The following SNX10 variants were observed in gnomAD, a reference collection of about 807,000 sequenced individuals.
SNX10 encodes the protein sorting nexin 10, also known as sorting nexin-10.
In SNX10, 25 loss-of-function variants were observed where a neutral mutation model predicts 28.5. That is an observed-to-expected ratio of 0.88 (90% CI 0.64 to 1.22). SNX10 has a LOEUF of 1.22. Ranked by LOEUF, SNX10 falls within the 50% of genes most tolerant of loss-of-function variation. SNX10 has a pLI of 0.00. For missense variants in SNX10, 223 were observed against 242.6 expected, an observed-to-expected ratio of 0.92 and a Z score of 0.54; for synonymous variants, 62 against 81.4, an observed-to-expected ratio of 0.76 and a Z score of 1.28.
intron 5 of SNX10, among the ~76,000 whole-genome samples, 200 bp from the exon 6 acceptor site, chr7:26,371,621 T>C (rs1789540212): frequency 6.6e-6 from 1 of 152,170 alleles, no homozygotes; most frequent in African/African-American, 2.4e-5. Flanking sequence ...TTCATGTTTT[T>C]ACCCACCTAA....
At chr7:26,330,585 G>GGA (rs1209249230) in intron 1 of SNX10, among the ~76,000 whole-genome samples, 10 of 152,144 alleles carry the variant, frequency 6.6e-5, no homozygotes, top group Non-Finnish European at 1.2e-4. Flanking sequence ...GGTTAGAAGA[G>GGA]GAGAGGGCAG....
At chr7:26,359,556 A>G (rs966802875) in intron 2 of SNX10, among the ~76,000 whole-genome samples, 5 of 152,346 alleles carry the variant, frequency 3.3e-5, no homozygotes, top group African/African-American at 9.6e-5. Flanking sequence ...CACTGAGTAA[A>G]TAAGTTATAC....
chr7:26,369,200 G>T (rs1789409433), intron 5 of SNX10, among the ~76,000 whole-genome samples: 1 of 152,000 alleles, frequency 6.6e-6, no homozygotes, highest in Non-Finnish European at 1.5e-5. Flanking sequence ...TTTAAATGGA[G>T]GTTTCTACAA....
chr7:26,363,389 C>T (rs1044203292), intron 3 of SNX10, among the ~76,000 whole-genome samples: 3 of 152,092 alleles, frequency 2.0e-5, no homozygotes, highest in Non-Finnish European at 4.4e-5. Context: ...CCAAGGAAAA[C>T]AATCGCTGGG....
rs190675801 is a variant in SNX10, at chr7:26,342,650, C to T, written c.-23-3770C>T. Among the ~76,000 whole-genome samples the T allele has an allele frequency of 2.0e-3, 308 of 152,100 alleles. 1 individual carries two copies. The highest frequency in any genetic ancestry group is 6.9e-3 in the African/African-American group (288 of 41,486). ...ATTAATGTTACTAGGAAAATTCAGA[C>T]AATATGGAAGTGTATAGAGCTTAGA... On this transcript the variant is annotated intron_variant, in intron 1 of 6. Coordinates refer to ENST00000338523, the MANE Select transcript of SNX10 (RefSeq NM_013322.3).
intron 1 of SNX10, among the ~76,000 whole-genome samples, chr7:26,330,006 C>T (rs888811002): frequency 3.9e-5 from 6 of 151,934 alleles, no homozygotes; most frequent in Admixed American, 6.6e-5. Context: ...GTGGAACAGC[C>T]GATTGGGTGA....
At chr7:26,317,968 T>A (rs1289812179) in intron 1 of SNX10, among the ~76,000 whole-genome samples, 1 of 152,084 alleles carries the variant, frequency 6.6e-6, no homozygotes, top group African/African-American at 2.4e-5. Context: ...GCTTTCATGG[T>A]GATCTTCTAA....
intron 1 of SNX10, among the ~76,000 whole-genome samples, chr7:26,320,421 T>A (rs1244578269): frequency 6.6e-6 from 1 of 151,848 alleles, no homozygotes; most frequent in South Asian, 2.1e-4. Flanking sequence ...CTTCTTTTTT[T>A]AATTTATTTT....
intron 2 of SNX10, among the ~76,000 whole-genome samples, chr7:26,355,908 T>C (rs1356631011): frequency 1.3e-5 from 2 of 152,206 alleles, no homozygotes; most frequent in African/African-American, 4.8e-5. Flanking sequence ...TTAAAAAATC[T>C]GTAAAGTAGG....
At chr7:26,297,841 A>G (rs1315421953) in intron 1 of SNX10, among the ~76,000 whole-genome samples, 4 of 152,254 alleles carry the variant, frequency 2.6e-5, no homozygotes, top group Non-Finnish European at 5.9e-5. Flanking sequence ...GTGCCTTAGT[A>G]TATGCTTATG....
intron 3 of SNX10, among the ~76,000 whole-genome samples, chr7:26,363,628 T>C (rs1054637728): frequency 1.3e-5 from 2 of 152,320 alleles, no homozygotes; most frequent in South Asian, 2.1e-4. Flanking sequence ...TCTCGTCTTA[T>C]GTTTACGCAA....
intron 1 of SNX10, among the ~76,000 whole-genome samples, chr7:26,342,609 C>G (rs980490742): frequency 5.3e-5 from 8 of 152,066 alleles, no homozygotes; most frequent in Non-Finnish European, 1.2e-4. Context: ...ATAATTATTA[C>G]TTTAAAAAGT....
At chr7:26,347,075 T>C (rs1381118303) in intron 2 of SNX10, among the ~76,000 whole-genome samples, 1 of 152,154 alleles carries the variant, frequency 6.6e-6, no homozygotes, top group Non-Finnish European at 1.5e-5. Context: ...GTGAGGCTGA[T>C]GAAGTGGAGA....
intron 1 of SNX10, among the ~76,000 whole-genome samples, chr7:26,301,955 T>TGTACCC (rs1786384789): frequency 2.0e-5 from 3 of 152,194 alleles, no homozygotes; most frequent in African/African-American, 7.2e-5. Flanking sequence ...TCGTTAGGCA[T>TGTACCC]AGGACTCTGA....
chr7:26,348,290 C>A (rs1043295942), intron 2 of SNX10, among the ~76,000 whole-genome samples: 1 of 152,160 alleles, frequency 6.6e-6, no homozygotes, highest in Non-Finnish European at 1.5e-5. Flanking sequence ...GGGAAATACC[C>A]GCCCATGAAG....
chr7:26,296,302 T>C (rs2562787), intron 1 of SNX10, among the ~76,000 whole-genome samples: 144,433 of 152,128 alleles, frequency 0.95, 68,815 homozygotes, highest in Non-Finnish European at 0.99. Flanking sequence ...CCTGTAATTT[T>C]AGTGACTGAG....
intron 1 of SNX10, among the ~76,000 whole-genome samples, chr7:26,318,805 T>C (rs1787194606): frequency 2.0e-5 from 3 of 152,238 alleles, no homozygotes; most frequent in Admixed American, 2.0e-4. Flanking sequence ...TAATTTTTCT[T>C]GTATACTTCC....
In SNX10 at chr7:26,373,321, T is replaced by C. The variant is rs1199464197; in HGVS notation, c.*749T>C. ...TCTGGAGACAAATAATTTGTTTTCA[T>C]TATCATTGTATAATCAGGTTAATGA... On this transcript the variant is annotated 3_prime_UTR_variant, in exon 7 of 7. Transcript: ENST00000338523. The surrounding 1 kb of genome is among the most constrained non-coding windows in gnomAD (Gnocchi z 4.2). 1 of 152,112 alleles carries C rather than the reference T, an allele frequency of 6.6e-6. No individual in the cohort carries two copies. Among genetic ancestry groups the C allele is most frequent in the Non-Finnish European group, 1.5e-5 (1 of 67,928 alleles). 9.4% of individuals were successfully genotyped at this position (152,112 alleles called of 1,614,324 possible).
chr7:26,344,328 C>T (rs1414969320), intron 1 of SNX10, among the ~76,000 whole-genome samples: 1 of 151,994 alleles, frequency 6.6e-6, no homozygotes, highest in East Asian at 1.9e-4. Context: ...TGCCATGACT[C>T]CCGGATAAGT....
Sources: allele counts gnomAD v4.1 joint callset (sites outside exome capture counted in the v4.1 genomes callset), GRCh38; gene constraint gnomAD v4.1.1; non-coding constraint Gnocchi (gnomAD v3.1); transcripts MANE v1.5; gene names NCBI Gene and HGNC (gene_info 2026-07-23, HGNC 2026-07-21).